The following SLC38A6 variants were observed in gnomAD, a reference collection of about 807,000 sequenced individuals.
The protein encoded by SLC38A6 is solute carrier family 38 member 6.
SLC38A6 carries 73 observed loss-of-function variants against 65.0 expected under a neutral mutation model. The observed-to-expected ratio is 1.12, with a 90% CI of 0.93 to 1.37. The LOEUF (loss-of-function observed/expected upper bound fraction) is 1.37. Ranked by LOEUF, SLC38A6 falls within the 40% of genes most tolerant of loss-of-function variation. The probability of loss-of-function intolerance (pLI) is 0.00; values close to 1 mark genes in which losing one functional copy is unlikely to be tolerated. For synonymous variants in SLC38A6, 183 were observed against 178.8 expected, an observed-to-expected ratio of 1.02 and a Z score of -0.19; for missense variants, 561 against 531.1, an observed-to-expected ratio of 1.06 and a Z score of -0.55.
rs775111493 is a variant in SLC38A6, at chr14:61,050,627, C to T, written c.1041C>T (p.Ile347=). 1.9e-5 allele frequency: 29 copies of T among 1,565,774 alleles called. No individual in the cohort carries two copies. The highest frequency in any genetic ancestry group is 2.5e-5 in the Non-Finnish European group (29 of 1,149,918). ...LFAVLLTVPL[I]HFPARKAVTM... ...CTGTGCTTTTGACAGTCCCTCTAAT[C>T]CACTTCCCTGTAAGTACTCTTAAAG... Residue 347 remains isoleucine, a synonymous_variant, in exon 13 of 16, where the codon ATC becomes ATT. Transcript: ENST00000267488.
intron 3 of SLC38A6, among the ~76,000 whole-genome samples, chr14:60,985,101 A>G (rs2037359073): frequency 1.3e-5 from 2 of 152,182 alleles, no homozygotes; most frequent in South Asian, 4.1e-4. Flanking sequence ...AAAGGATCCA[A>G]ACCTTATGCT....
chr14:60,998,855 C>G (rs75606008), intron 3 of SLC38A6, among the ~76,000 whole-genome samples: 1 of 152,250 alleles, frequency 6.6e-6, no homozygotes, highest in Non-Finnish European at 1.5e-5. Context: ...ACAGCCCTGT[C>G]GCAGGCCCTG....
chr14:61,063,975 A>G (rs540109908), intron 15 of SLC38A6, among the ~76,000 whole-genome samples: 1 of 152,262 alleles, frequency 6.6e-6, no homozygotes, highest in Non-Finnish European at 1.5e-5. Context: ...ATCTGGACCA[A>G]TGAAATGAGT....
intron 15 of SLC38A6, among the ~76,000 whole-genome samples, chr14:61,069,553 G>A (rs1594785583): frequency 6.6e-6 from 1 of 151,812 alleles, no homozygotes; most frequent in South Asian, 2.1e-4. Context: ...CCACTTCCAG[G>A]TACATACCCA....
intron 3 of SLC38A6, among the ~76,000 whole-genome samples, chr14:61,015,357 C>G (rs868327746): frequency 6.6e-6 from 1 of 152,126 alleles, no homozygotes; most frequent in African/African-American, 2.4e-5. Flanking sequence ...CACCCTGCTT[C>G]GGCTCATGCT....
chr14:61,050,597 A>C lies in SLC38A6; in HGVS notation c.1011A>C (p.Leu337=), dbSNP rs983401981. The change falls in exon 13 of 16, where the codon CTA becomes CTC. Residue 337 remains leucine (L), a synonymous_variant. Transcript: ENST00000267488. The part of the protein sequence containing the change: ...VVVMTVKLCI[L]FAVLLTVPLI... ...TCATGACTGTGAAGTTATGCATACT[A>C]TTTGCTGTGCTTTTGACAGTCCCTC... The C allele has an allele frequency of 3.8e-6, 6 of 1,598,264 alleles. No individual in the cohort carries two copies. Among genetic ancestry groups the C allele is most frequent in the Non-Finnish European group, 5.1e-6 (6 of 1,169,528 alleles).
chr14:61,038,581 A>G (rs1004757868), intron 8 of SLC38A6, among the ~76,000 whole-genome samples: 1 of 152,212 alleles, frequency 6.6e-6, no homozygotes, highest in Non-Finnish European at 1.5e-5. Context: ...AGAACAGCAC[A>G]TCAGTAGTTA....
intron 4 of SLC38A6, among the ~76,000 whole-genome samples, chr14:61,017,076 T>C (rs767363843): frequency 6.6e-6 from 1 of 152,154 alleles, no homozygotes; most frequent in Non-Finnish European, 1.5e-5. Flanking sequence ...AGTTTCGCTC[T>C]TGTTGCCCAG....
chr14:61,027,694 A>C (rs536725351), intron 5 of SLC38A6, among the ~76,000 whole-genome samples: 1 of 152,154 alleles, frequency 6.6e-6, no homozygotes, highest in East Asian at 1.9e-4. Context: ...TGTATTTGGT[A>C]ATCTTTTTGT....
At chr14:60,997,332 T>C (rs1445884031) in intron 3 of SLC38A6, among the ~76,000 whole-genome samples, 1 of 152,054 alleles carries the variant, frequency 6.6e-6, no homozygotes, top group Non-Finnish European at 1.5e-5. Context: ...TTGTACTTTT[T>C]GTAGAGATGG....
At chr14:61,062,652 C>T (rs2042891352) in intron 15 of SLC38A6, among the ~76,000 whole-genome samples, 1 of 151,906 alleles carries the variant, frequency 6.6e-6, no homozygotes, top group Non-Finnish European at 1.5e-5. Context: ...GACTTTTAAG[C>T]ATTCTTTTTA....
rs1241883253 is a variant in SLC38A6, at chr14:61,052,350, C to T, written c.1292C>T (p.Ala431Val). ...EDFLSWKKLG[A>V]FVLLIFGILV... is the part of the protein sequence containing the mutation. Reference sequence around the variant, plus strand: ...TTATCTTTTTTCTTATTTCCACAGGCATTCGTTTTGCTCATCTTTGGAATT... The same window carrying T: ...TTATCTTTTTTCTTATTTCCACAGGTATTCGTTTTGCTCATCTTTGGAATT... Residue 431 changes from alanine to valine, a missense_variant and splice_region_variant, in exon 16 of 16, where the codon GCA becomes GTA. Transcript: ENST00000267488. 6 of 1,584,032 alleles carry T rather than the reference C, an allele frequency of 3.8e-6. No individual in the cohort carries two copies. Among genetic ancestry groups the T allele is most frequent in the South Asian group, 1.2e-5 (1 of 83,868 alleles).
At chr14:61,000,282 A>G (rs555699234) in intron 3 of SLC38A6, among the ~76,000 whole-genome samples, 9 of 152,378 alleles carry the variant, frequency 5.9e-5, no homozygotes, top group African/African-American at 2.2e-4. Context: ...AAGAGAGTAC[A>G]TAAGTTCCAA....
At chr14:61,048,412 G>A (rs1001202364) in intron 12 of SLC38A6, 9 of 254,196 alleles carry the variant, frequency 3.5e-5, no homozygotes, top group Non-Finnish European at 7.0e-5. Context: ...TGACTTCAAT[G>A]GCATATATAA....
chr14:60,986,307 G>A (rs901457723), intron 3 of SLC38A6, among the ~76,000 whole-genome samples: 2 of 152,204 alleles, frequency 1.3e-5, no homozygotes, highest in African/African-American at 2.4e-5. Flanking sequence ...AAAAATCTGA[G>A]GTGAGACTCA....
chr14:61,030,735 C>T (rs1218661937), intron 6 of SLC38A6: 2 of 408,444 alleles, frequency 4.9e-6, no homozygotes. Context: ...TTCTGTGAAC[C>T]ATATGAAGCA....
downstream of SLC38A6, chr14:61,052,704 GA>G (rs781548961): frequency 1.7e-5 from 4 of 241,698 alleles, no homozygotes; most frequent in Non-Finnish European, 3.0e-5. Context: ...ATACTGAACA[GA>G]AAGTACAGAG....
chr14:61,075,654 T>TGGA (rs931748236), intron 15 of SLC38A6, among the ~76,000 whole-genome samples: 3 of 151,958 alleles, frequency 2.0e-5, no homozygotes, highest in African/African-American at 7.3e-5. Context: ...AGGTAGATCT[T>TGGA]GGAGATTGGA....
chr14:61,082,598 T>G (rs1342372955), intron 16 of SLC38A6, among the ~76,000 whole-genome samples: 1 of 152,204 alleles, frequency 6.6e-6, no homozygotes, highest in African/African-American at 2.4e-5. Flanking sequence ...AATTCCTGTT[T>G]GCTTGACTGA....
Sources: allele counts gnomAD v4.1 joint callset (sites outside exome capture counted in the v4.1 genomes callset), GRCh38; gene constraint gnomAD v4.1.1; transcripts MANE v1.5; gene names NCBI Gene and HGNC (gene_info 2026-07-23, HGNC 2026-07-21).